Variants in C8orf34 observed in about 807,000 individuals in gnomAD.
C8orf34 encodes uncharacterized protein C8orf34.
Under a neutral mutation model 68.3 loss-of-function variants are expected in C8orf34, and 65 were observed. That is an observed-to-expected ratio of 0.95 (90% CI 0.78 to 1.17). C8orf34 has a LOEUF of 1.17. C8orf34 is among the 50% of genes most tolerant of loss of function. The pLI, the probability that C8orf34 is intolerant of heterozygous loss-of-function variation, is 0.00. For missense variants in C8orf34, 664 were observed against 655.4 expected (o/e 1.01, Z -0.14); for synonymous variants, 244 against 241.2 (o/e 1.01, Z -0.11).
chr8:68,499,530 A>G (rs1288202858), intron 5 of C8orf34, among the ~76,000 whole-genome samples: 1 of 152,234 alleles, frequency 6.6e-6, no homozygotes, highest in Admixed American at 6.5e-5. Flanking sequence ...GTACACTACC[A>G]ACAAGTAAAT....
rs117422077 is a variant in C8orf34, at chr8:68,476,966, T to C, written c.736+8146T>C. On this transcript the variant is annotated intron_variant, in intron 4 of 13. Coordinates refer to ENST00000518698, the MANE Select transcript of C8orf34 (RefSeq NM_052958.4). Reference sequence around the variant, plus strand: ...ATTCAGAGTTAGGGAGGGAGTATGATAATTTTCCTGATAGCCCTTATTCCT... The same window carrying C: ...ATTCAGAGTTAGGGAGGGAGTATGACAATTTTCCTGATAGCCCTTATTCCT... Among the ~76,000 whole-genome samples, 1,268 of 152,288 alleles carry C rather than the reference T, an allele frequency of 8.3e-3. 11 individuals are homozygous for C. The highest frequency in any genetic ancestry group is 0.02 in the Admixed American group (300 of 15,298).
chr8:68,539,609 T>C (rs554516139), intron 7 of C8orf34, among the ~76,000 whole-genome samples: 28 of 152,266 alleles, frequency 1.8e-4, no homozygotes, highest in Non-Finnish European at 3.4e-4. Context: ...CCCAGCACTT[T>C]GGGAGGCCGA....
At chr8:68,458,658 A>G (rs1811652672) in intron 3 of C8orf34, among the ~76,000 whole-genome samples, 1 of 152,184 alleles carries the variant, frequency 6.6e-6, no homozygotes, top group Non-Finnish European at 1.5e-5. Context: ...CCCTCATCTG[A>G]ACTTCTCTCT....
chr8:68,811,365 G>A (rs142242828), intron 12 of C8orf34, among the ~76,000 whole-genome samples: 4 of 152,312 alleles, frequency 2.6e-5, no homozygotes, highest in African/African-American at 9.6e-5. Context: ...ATCTTCCTGG[G>A]CCCCCAAGAG....
intron 1 of C8orf34, among the ~76,000 whole-genome samples, chr8:68,332,458 G>T (rs1563625810): frequency 6.9e-6 from 1 of 145,738 alleles, no homozygotes; most frequent in African/African-American, 2.5e-5. Flanking sequence ...GCTTGGTATG[G>T]GGAGGAGGTT....
At chr8:68,769,656 CCTA>C (rs1823283370) in intron 10 of C8orf34, among the ~76,000 whole-genome samples, 3 of 152,012 alleles carry the variant, frequency 2.0e-5, no homozygotes, top group Admixed American at 2.0e-4. Flanking sequence ...GCTCTTTTTT[CCTA>C]CTATTTACAA....
At chr8:68,794,723 G>A (rs1281578461) in intron 12 of C8orf34, among the ~76,000 whole-genome samples, 2 of 151,378 alleles carry the variant, frequency 1.3e-5, no homozygotes, top group African/African-American at 2.4e-5. Flanking sequence ...CTTGGTTCAA[G>A]TGATCTGTCT....
chr8:68,815,882 G>A lies in C8orf34; in HGVS notation c.1550-4G>A, dbSNP rs746929231. ...ATATTATCTCTGTTTCTTTTGTTGT[G>A]CAGGTTCCGCTGATCTTCTTCTTTG... On this transcript the variant is annotated splice_region_variant and splice_polypyrimidine_tract_variant and intron_variant, in intron 12 of 13. Coordinates refer to ENST00000518698, the MANE Select transcript of C8orf34 (RefSeq NM_052958.4). 3.1e-6 allele frequency: 5 copies of A among 1,613,640 alleles called. No homozygotes were observed. Among genetic ancestry groups the A allele is most frequent in the Admixed American group, 3.3e-5 (2 of 59,986 alleles).
intron 10 of C8orf34, among the ~76,000 whole-genome samples, chr8:68,773,516 T>A (rs775743729): frequency 6.6e-5 from 10 of 152,116 alleles, no homozygotes; most frequent in Non-Finnish European, 1.3e-4. Context: ...TTCTCCTGCC[T>A]CAGCCTCCCG....
chr8:68,356,905 A>T (rs1165558695), intron 1 of C8orf34, among the ~76,000 whole-genome samples: 2 of 152,124 alleles, frequency 1.3e-5, no homozygotes, highest in African/African-American at 4.8e-5. Flanking sequence ...CTGTTTGGAG[A>T]TATTGATCTA....
At chr8:68,684,661 G>T (rs1820459971) in intron 8 of C8orf34, among the ~76,000 whole-genome samples, 1 of 151,826 alleles carries the variant, frequency 6.6e-6, no homozygotes, top group East Asian at 1.9e-4. Context: ...ATAATATTTA[G>T]CCTTTAATAT....
chr8:68,514,514 G>C (rs1377769644), intron 5 of C8orf34, among the ~76,000 whole-genome samples: 1 of 152,028 alleles, frequency 6.6e-6, no homozygotes, highest in African/African-American at 2.4e-5. Flanking sequence ...CCCTTCTGAT[G>C]GTTTCTCTTC....
rs1563604307 is a variant in C8orf34 at position 68,679,027 on chromosome 8, A to ACCCC, written c.1242-29966_1242-29965insCCCC. ...TACAATAGCTACTAATAGGCCAGGC[A>ACCCC]CGGTGGCTCCTGCCTGTAATCTCAG... On this transcript the variant is annotated intron_variant, in intron 8 of 13. Transcript: ENST00000518698. Among the ~76,000 whole-genome samples the ACCCC allele has an allele frequency of 2.0e-5, 3 of 152,222 alleles. No homozygotes were observed. The East Asian group carries it at 5.8e-4, about 30-fold the overall frequency.
chr8:68,585,551 G>A (rs1284359579), intron 7 of C8orf34, among the ~76,000 whole-genome samples: 1 of 152,108 alleles, frequency 6.6e-6, no homozygotes, highest in African/African-American at 2.4e-5. Flanking sequence ...AAAGCCTAGT[G>A]GCTTAAAATA....
intron 10 of C8orf34, among the ~76,000 whole-genome samples, chr8:68,726,300 T>G (rs1032776311): frequency 4.6e-5 from 7 of 152,122 alleles, no homozygotes; most frequent in African/African-American, 1.7e-4. Context: ...TAGTTTTTCA[T>G]GAGAGAAAGG....
At chr8:68,607,935 C>T (rs574149896) in intron 7 of C8orf34, among the ~76,000 whole-genome samples, 49 of 152,136 alleles carry the variant, frequency 3.2e-4, no homozygotes, top group African/African-American at 9.9e-4. Flanking sequence ...AATTATAGAG[C>T]GACTTTGGAA....
intron 10 of C8orf34, among the ~76,000 whole-genome samples, chr8:68,759,196 G>C (rs936624719): frequency 1.3e-5 from 2 of 151,846 alleles, no homozygotes; most frequent in Non-Finnish European, 2.9e-5. Context: ...CCATTATATA[G>C]ACATTCATTT....
At chr8:68,731,494 T>A (rs1197273902) in intron 10 of C8orf34, among the ~76,000 whole-genome samples, 1 of 152,212 alleles carries the variant, frequency 6.6e-6, no homozygotes. Context: ...TTATATCGAA[T>A]GAAAATTCCT....
rs1329368537 is a variant in C8orf34 at position 68,640,506 on chromosome 8, T to G, written c.1236T>G (p.Cys412Trp). ...TCACACTGAACATCTGTTCAAGGTG[T>G]GCCAGGTAAAAGACATAATAGGTAT... Reference protein sequence around the residue: ...AKVTLNICSRCARLQGDNLEE... With the variant: ...AKVTLNICSRWARLQGDNLEE... The change falls in exon 8 of 14, where the codon TGT becomes TGG. Residue 412 changes from cysteine (C) to tryptophan (W), a missense_variant. Physicochemically the swap from Cys to Trp is radical, Grantham distance 215. Transcript: ENST00000518698. The G allele has an allele frequency of 1.2e-6, 2 of 1,613,094 alleles. No homozygotes were observed. Among genetic ancestry groups the G allele is most frequent in the Non-Finnish European group, 1.7e-6 (2 of 1,179,624 alleles).
Sources: gnomAD v4.1 joint callset for allele counts (sites outside exome capture counted in the v4.1 genomes callset) on GRCh38, gnomAD v4.1.1 for gene constraint, MANE v1.5 for transcripts, NCBI Gene and HGNC (gene_info 2026-07-23, HGNC 2026-07-21) for gene names.